Variants in MEIKIN observed in about 807,000 individuals in gnomAD.
MEIKIN encodes meiotic kinetochore factor.
chr5:131,894,006 T>G (rs1450964140), intron 8 of MEIKIN, among the ~76,000 whole-genome samples: 11 of 152,224 alleles, frequency 7.2e-5, no homozygotes, highest in Non-Finnish European at 1.5e-5. Flanking sequence ...TGCCTAGGTT[T>G]TCTTCTAAGG....
At chr5:131,938,872 A>C (rs554481462) in intron 4 of MEIKIN, among the ~76,000 whole-genome samples, 3 of 152,356 alleles carry the variant, frequency 2.0e-5, no homozygotes, top group Admixed American at 6.5e-5. Context: ...TGAAGTACCA[A>C]AATGGCATAA....
At chr5:131,824,436 CT>C (rs1749574305) in intron 11 of MEIKIN, among the ~76,000 whole-genome samples, 1 of 151,928 alleles carries the variant, frequency 6.6e-6, no homozygotes, top group Non-Finnish European at 1.5e-5. Flanking sequence ...AGGAGAATCA[CT>C]TGAGCCCAAG....
At position 131,907,705 on chromosome 5, in the gene MEIKIN, C is replaced by T. The variant is rs11948569; in HGVS notation, c.703+4110G>A. On this transcript the variant is annotated intron_variant, in intron 8 of 12. Coordinates refer to ENST00000442687, the MANE Select transcript of MEIKIN (RefSeq NM_001303622.2). ...TGACCAACATGGTGAAACCCCATCT[C>T]TACTAAAAATACAAAAATTAGCCGG... 3.5e-3 allele frequency among the ~76,000 whole-genome samples: 538 copies of T among 151,608 alleles called. 4 individuals are homozygous for T. The highest frequency in any genetic ancestry group is 0.013 in the African/African-American group (520 of 41,296).
chr5:131,893,539 C>T (rs564499136), intron 8 of MEIKIN, among the ~76,000 whole-genome samples: 38 of 152,242 alleles, frequency 2.5e-4, no homozygotes, highest in African/African-American at 4.8e-4. Flanking sequence ...TTGCACTTCC[C>T]GGGTGAGGCG....
Position 131,945,617 on chromosome 5 carries a change from A to G in MEIKIN, c.-112T>C, listed in dbSNP as rs1751952567. On this transcript the variant is annotated 5_prime_UTR_variant, in exon 1 of 13. Transcript: ENST00000442687. ...GTCAGCGTCCAGGCGAGGCCCGCGG[A>G]GCAGCCTCACAGCAACTAATCGAGC... 2.5e-6 allele frequency: 1 copy of G among 398,000 alleles called. No homozygotes were observed. Among genetic ancestry groups the G allele is most frequent in the Non-Finnish European group, 4.4e-6 (1 of 225,198 alleles). The allele number at this position is 398,000 out of a possible 1,614,324, so 24.7% of individuals were successfully genotyped here. A position where few individuals can be genotyped will look rare whatever the true frequency, so the allele number is the denominator to read the frequency against.
At chr5:131,915,466 G>A (rs191585449) in intron 7 of MEIKIN, among the ~76,000 whole-genome samples, 337 of 152,260 alleles carry the variant, frequency 2.2e-3, no homozygotes, top group Middle Eastern at 0.02. Context: ...ACAAGGCTAC[G>A]TAAGGTCTGC....
At chr5:131,925,094 T>G (rs1310420361) in intron 5 of MEIKIN, among the ~76,000 whole-genome samples, 1 of 152,244 alleles carries the variant, frequency 6.6e-6, no homozygotes, top group Non-Finnish European at 1.5e-5. Flanking sequence ...CATTGTGTAT[T>G]CTTGGCACTC....
At chr5:131,826,219 G>A (rs911807553) in intron 11 of MEIKIN, among the ~76,000 whole-genome samples, 11 of 151,412 alleles carry the variant, frequency 7.3e-5, no homozygotes, top group Admixed American at 3.9e-4. Context: ...GAGTCACTGC[G>A]CCTGGCCTAA....
chr5:131,860,421 T>C (rs1750264094), intron 9 of MEIKIN, among the ~76,000 whole-genome samples: 1 of 151,936 alleles, frequency 6.6e-6, no homozygotes, highest in African/African-American at 2.4e-5. Flanking sequence ...TCACTGAATT[T>C]GGTTCAGTTC....
At chr5:131,847,121 G>T (rs575695215) in intron 11 of MEIKIN, among the ~76,000 whole-genome samples, 1 of 151,898 alleles carries the variant, frequency 6.6e-6, no homozygotes, top group South Asian at 2.1e-4. Flanking sequence ...CACAAAAGAA[G>T]ACAGTAATGT....
intron 9 of MEIKIN, among the ~76,000 whole-genome samples, chr5:131,872,498 T>C (rs1028826340): frequency 2.0e-4 from 31 of 152,236 alleles, no homozygotes; most frequent in African/African-American, 6.7e-4. Flanking sequence ...TGTGACTATG[T>C]GAAAAGACCA....
chr5:131,903,875 T>G (rs1052345777), intron 8 of MEIKIN, among the ~76,000 whole-genome samples: 3 of 151,600 alleles, frequency 2.0e-5, no homozygotes, highest in Non-Finnish European at 4.4e-5. Flanking sequence ...CCCAACAGTA[T>G]GCTGTCTTCA....
chr5:131,828,796 T>C (rs1749658790), intron 11 of MEIKIN, among the ~76,000 whole-genome samples: 1 of 152,162 alleles, frequency 6.6e-6, no homozygotes. Flanking sequence ...AAGTTGGAAG[T>C]GAAAAACAAA....
chr5:131,870,984 G>A (rs1312930303), intron 9 of MEIKIN, among the ~76,000 whole-genome samples: 1 of 152,138 alleles, frequency 6.6e-6, no homozygotes, highest in African/African-American at 2.4e-5. Flanking sequence ...CTAAACCTCA[G>A]TTTTCTCAGC....
At chr5:131,833,573 T>C (rs1157041890) in intron 11 of MEIKIN, among the ~76,000 whole-genome samples, 1 of 152,136 alleles carries the variant, frequency 6.6e-6, no homozygotes, top group Non-Finnish European at 1.5e-5. Flanking sequence ...CTCAGAATCA[T>C]AACAGGAGGC....
intron 11 of MEIKIN, among the ~76,000 whole-genome samples, chr5:131,827,925 G>A (rs1048437015): frequency 3.3e-5 from 5 of 151,920 alleles, no homozygotes; most frequent in Non-Finnish European, 7.4e-5. Context: ...GTGCATGACT[G>A]TGGTCCCAGC....
intron 8 of MEIKIN, among the ~76,000 whole-genome samples, chr5:131,895,904 T>C (rs913615920): frequency 6.6e-6 from 1 of 152,214 alleles, no homozygotes; most frequent in African/African-American, 2.4e-5. Context: ...GCTCTGATCT[T>C]AGTTATTTCT....
intron 9 of MEIKIN, among the ~76,000 whole-genome samples, chr5:131,870,258 CAA>C (rs957431447): frequency 6.6e-6 from 1 of 151,956 alleles, no homozygotes; most frequent in Non-Finnish European, 1.5e-5. Flanking sequence ...GACACACACA[CAA>C]AAAAAGTCTT....
At chr5:131,935,138 T>G (rs1580914959) in intron 4 of MEIKIN, among the ~76,000 whole-genome samples, 1 of 148,546 alleles carries the variant, frequency 6.7e-6, no homozygotes, top group Non-Finnish European at 1.5e-5. Context: ...AAATCCAGAA[T>G]GTAAAGAACT....
Sources: allele counts gnomAD v4.1 joint callset (sites outside exome capture counted in the v4.1 genomes callset), GRCh38; gene constraint gnomAD v4.1.1; transcripts MANE v1.5; gene names NCBI Gene and HGNC (gene_info 2026-07-23, HGNC 2026-07-21).